The following MINK1 variants were observed in gnomAD, a reference collection of about 807,000 sequenced individuals.
MINK1 encodes the protein misshapen-like kinase 1.
MINK1 carries 46 observed loss-of-function variants against 178.4 expected under a neutral mutation model. The observed-to-expected ratio is 0.26, with a 90% CI of 0.20 to 0.33. The LOEUF (loss-of-function observed/expected upper bound fraction) is 0.33. MINK1 is among the 10% of genes least tolerant of loss of function. The pLI is 1.00. For synonymous variants in MINK1, 797 were observed against 709.7 expected (o/e 1.12, Z -1.96); for missense variants, 1,366 against 1,814.9 (o/e 0.75, Z 4.49).
At chr17:4,850,653 A>G (rs1279184906) in intron 1 of MINK1, among the ~76,000 whole-genome samples, 2 of 151,518 alleles carry the variant, frequency 1.3e-5, no homozygotes, top group Non-Finnish European at 2.9e-5. Flanking sequence ...ATGGCCTGTC[A>G]TTGGTCTTCT....
intron 1 of MINK1, among the ~76,000 whole-genome samples, chr17:4,857,789 C>T (rs1049756732): frequency 5.9e-5 from 9 of 152,058 alleles, no homozygotes; most frequent in Non-Finnish European, 8.8e-5. Flanking sequence ...TCTTACCACA[C>T]ACACACCCTC....
chr17:4,892,944 A>G, intron 19 of MINK1, 35 bp from the exon 20 acceptor site: 1 of 1,510,016 alleles, frequency 6.6e-7, no homozygotes, highest in East Asian at 2.5e-5. Context: ...TCCCTTGTTC[A>G]GGCATCAGTG....
At chr17:4,837,165 C>T (rs370101159) in intron 1 of MINK1, among the ~76,000 whole-genome samples, 15 of 152,252 alleles carry the variant, frequency 9.9e-5, no homozygotes, top group Admixed American at 2.0e-4. Flanking sequence ...CCAGCTTGGG[C>T]GACAAAGCCA....
In MINK1 at chr17:4,890,727, G is replaced by C; in HGVS notation, c.1558G>C (p.Ala520Pro). 1 of 1,546,926 alleles carries C rather than the reference G, an allele frequency of 6.5e-7. No individual in the cohort carries two copies. The highest frequency in any genetic ancestry group is 8.7e-7 in the Non-Finnish European group (1 of 1,144,408). Residue 520 changes from alanine to proline, a missense_variant, in exon 14 of 32, where the codon GCC (alanine) becomes CCC (proline). Transcript: ENST00000355280. ...GAATCCCGCTGACAAACCAGCCTGG[G>C]CCCGAGAGGTACTCACTGCCTCCTT... ...GMNPADKPAWAREVEERTRMN... is the reference protein window; with the variant it reads ...GMNPADKPAWPREVEERTRMN...
intron 1 of MINK1, among the ~76,000 whole-genome samples, chr17:4,839,998 G>A (rs1165582449): frequency 6.7e-6 from 1 of 150,134 alleles, no homozygotes; most frequent in Non-Finnish European, 1.5e-5. Context: ...TGCAAGCCAT[G>A]ATAAGGACTG....
At chr17:4,892,536 ACTCTCAC>A (rs1968960619) in intron 18 of MINK1, 24 bp downstream of exon 18, 2 of 1,532,258 alleles carry the variant, frequency 1.3e-6, no homozygotes, top group South Asian at 1.2e-5. Flanking sequence ...CCCCCAACTC[ACTCTCAC>A]CTCTCACTTC....
intron 1 of MINK1, among the ~76,000 whole-genome samples, chr17:4,877,327 C>T (rs1041552242): frequency 8.5e-5 from 13 of 152,278 alleles, no homozygotes; most frequent in East Asian, 3.9e-4. Context: ...TTGAGCCCTT[C>T]GGGCTGTCTC....
chr17:4,895,657 A>G lies in MINK1; in HGVS notation c.3230-41A>G, dbSNP rs762444398. The G allele has an allele frequency of 6.2e-7, 1 of 1,605,074 alleles. No individual in the cohort carries two copies. Among genetic ancestry groups the G allele is most frequent in the South Asian group, 1.1e-5 (1 of 90,252 alleles). On this transcript the variant is annotated intron_variant, in intron 26 of 31. Transcript: ENST00000355280. The surrounding 1 kb of genome is among the most constrained non-coding windows in gnomAD (Gnocchi z 4.3). ...CAGGGCGGTGGCATTCGGGCCTCAG[A>G]TGAGAATGGGGGCGGGTGTGTATGT...
chr17:4,895,199 C>T lies in MINK1; in HGVS notation c.3042C>T (p.Tyr1014=). ...AHSETPEIRK[Y]KKRFNSEILC... ...GTGAGACCCCTGAGATCCGGAAGTA[C>T]AAGAAGCGATTCAACTCCGAGATCC... The change falls in exon 25 of 32, where the codon TAC becomes TAT. Residue 1014 remains tyrosine (Y), a synonymous_variant. Transcript: ENST00000355280. The surrounding 1 kb of genome is among the most constrained non-coding windows in gnomAD (Gnocchi z 4.3). 2.2e-5 allele frequency: 36 copies of T among 1,614,112 alleles called. No individual in the cohort carries two copies. Among genetic ancestry groups the T allele is most frequent in the Non-Finnish European group, 3.0e-5 (35 of 1,180,012 alleles).
At position 4,896,234 on chromosome 17, in the gene MINK1, G is replaced by C. The variant is rs748793626; in HGVS notation, c.3507G>C (p.Leu1169=). Residue 1169 remains leucine, a synonymous_variant, in exon 29 of 32, where the codon CTG becomes CTC. Transcript: ENST00000355280. The surrounding 1 kb of genome is among the most constrained non-coding windows in gnomAD (Gnocchi z 4.6). The part of the protein sequence containing the change: ...DLPHRPLLVD[L]TVEEGQRLKV... The stretch of plus-strand genomic sequence containing the variant: ...CCCACCGCCCTCTGCTGGTCGACCT[G>C]ACAGTAGAGGAGGGGCAGCGGCTCA... 20 of 1,604,814 alleles carry C rather than the reference G, an allele frequency of 1.2e-5. No individual in the cohort carries two copies. The highest frequency in any genetic ancestry group is 1.7e-5 in the Admixed American group (1 of 59,286).
chr17:4,860,098 G>C (rs1041286917), intron 1 of MINK1, among the ~76,000 whole-genome samples: 1 of 152,036 alleles, frequency 6.6e-6, no homozygotes, highest in South Asian at 2.1e-4. Context: ...CATGCGGAGC[G>C]GGGTACAGAG....
In MINK1 at chr17:4,892,451, C is replaced by T. The variant is rs372330379; in HGVS notation, c.2137C>T (p.Arg713Trp). ...WQIYLQRRAE[R>W]GTPKPPGPPA... ...AATCTATCTGCAAAGGCGGGCAGAG[C>T]GGGGCACCCCAAAGCCTCCAGGGCC... Residue 713 changes from arginine to tryptophan, a missense_variant, in exon 18 of 32, where the codon CGG (arginine) becomes TGG (tryptophan). By Grantham distance (101) the Arg-to-Trp change is moderately radical. Around this residue, in one of 14 missense-constraint regions of MINK1, gnomAD observed 709 missense variants for 692.3 expected, o/e 1.02. Coordinates refer to ENST00000355280, the MANE Select transcript of MINK1 (RefSeq NM_153827.5). The T allele has an allele frequency of 2.0e-5, 31 of 1,565,524 alleles. No individual in the cohort carries two copies. The African/African-American group carries it at 2.3e-4, about 12-fold the overall frequency.
intron 1 of MINK1, chr17:4,844,504 G>T: frequency 2.1e-6 from 1 of 471,958 alleles, no homozygotes; most frequent in South Asian, 1.5e-5. Flanking sequence ...CTCTAGATCT[G>T]TGTCTTAATA....
chr17:4,896,636 G>C lies in MINK1; in HGVS notation c.3776-38G>C. 6.2e-7 allele frequency: 1 copy of C among 1,610,316 alleles called. No homozygotes were observed. The highest frequency in any genetic ancestry group is 8.5e-7 in the Non-Finnish European group (1 of 1,177,590). On this transcript the variant is annotated intron_variant, in intron 30 of 31. Coordinates refer to ENST00000355280, the MANE Select transcript of MINK1 (RefSeq NM_153827.5). The surrounding 1 kb of genome is among the most constrained non-coding windows in gnomAD (Gnocchi z 4.6). Reference sequence around the variant, plus strand: ...AGCCACATGCCCCGAGGTGGCCCCGGGGTGCAGCCTGCTCAGCCCCTCACC... The same window carrying C: ...AGCCACATGCCCCGAGGTGGCCCCGCGGTGCAGCCTGCTCAGCCCCTCACC...
At chr17:4,875,169 G>A (rs1597488461) in intron 1 of MINK1, 2 of 519,944 alleles carry the variant, frequency 3.8e-6, no homozygotes, top group East Asian at 1.1e-4. Flanking sequence ...TGGTCTTTGA[G>A]CCTCTAATCT....
chr17:4,896,285 C>T lies in MINK1; in HGVS notation c.3558C>T (p.Gly1186=). Residue 1186 remains glycine, a synonymous_variant, in exon 29 of 32, where the codon GGC becomes GGT. Coordinates refer to ENST00000355280, the MANE Select transcript of MINK1 (RefSeq NM_153827.5). This position sits in a 1 kb window ranked among gnomAD's most constrained non-coding sequence, Gnocchi z 4.6. ...AGGTCATCTATGGCTCCAGTGCTGG[C>T]TTCCATGCTGTGGATGTCGACTCGG... ...RLKVIYGSSA[G]FHAVDVDSGN... The T allele has an allele frequency of 1.2e-6, 2 of 1,606,456 alleles. No individual in the cohort carries two copies. The highest frequency in any genetic ancestry group is 1.7e-6 in the Non-Finnish European group (2 of 1,175,922).
At chr17:4,837,079 C>G (rs184122314) in intron 1 of MINK1, among the ~76,000 whole-genome samples, 1 of 152,060 alleles carries the variant, frequency 6.6e-6, no homozygotes, top group African/African-American at 2.4e-5. Flanking sequence ...CCCAGTTACT[C>G]GGGAGGCTGA....
intron 31 of MINK1, 188 bp from the exon 32 acceptor site, chr17:4,897,016 G>A: frequency 1.1e-6 from 1 of 890,748 alleles, no homozygotes; most frequent in Non-Finnish European, 1.7e-6. Context: ...CAGGGGGCGA[G>A]TGGTGCACCC....
chr17:4,846,502 A>G (rs1567560109), intron 1 of MINK1, among the ~76,000 whole-genome samples: 2 of 152,078 alleles, frequency 1.3e-5, no homozygotes, highest in Non-Finnish European at 2.9e-5. Context: ...ACCCCACCCT[A>G]ATGTTCAAAG....
Sources: allele counts gnomAD v4.1 joint callset (sites outside exome capture counted in the v4.1 genomes callset), GRCh38; gene constraint gnomAD v4.1.1; regional missense constraint gnomAD v4.1.1; non-coding constraint Gnocchi (gnomAD v3.1); transcripts MANE v1.5; gene names NCBI Gene and HGNC (gene_info 2026-07-23, HGNC 2026-07-21).